The following HEXIM2 variants were observed in gnomAD, a reference collection of about 807,000 sequenced individuals.
The protein encoded by HEXIM2 is HEXIM P-TEFb complex subunit 2.
For missense variants in HEXIM2, 413 were observed against 390.8 expected (o/e 1.06, Z -0.48); for synonymous variants, 159 against 162.7 (o/e 0.98, Z 0.17).
intron 3 of HEXIM2, among the ~76,000 whole-genome samples, chr17:45,167,024 CAAAAAA>C (rs58258565): frequency 1.5e-5 from 1 of 67,928 alleles, no homozygotes; most frequent in African/African-American, 7.6e-5. Context: ...GACTCTGTCT[CAAAAAA>C]AAAAAAAAAA....
chr17:45,163,859 CAAAAA>C (rs951951321), intron 3 of HEXIM2, among the ~76,000 whole-genome samples: 5 of 151,656 alleles, frequency 3.3e-5, no homozygotes, highest in African/African-American at 1.2e-4. Context: ...AAAAAAGAAA[CAAAAA>C]CAAAAACAGG....
At chr17:45,161,074 CTCCA>C, upstream of HEXIM2, 1 of 671,258 alleles carries the variant, frequency 1.5e-6, no homozygotes, top group Non-Finnish European at 2.3e-6. Flanking sequence ...GCCCCCACCT[CTCCA>C]GTCGAAGTGG....
Position 45,169,754 on chromosome 17 carries a change from A to G in HEXIM2, c.806A>G (p.Glu269Gly). ...ACCGAAAACCAGCGGCTTCGTCAGG[A>G]GAACCAGATGTGGAACCGAGAGGGC... ...LRTENQRLRQ[E>G]NQMWNREGCR... The change falls in exon 4 of 4, where the codon GAG (glutamate) becomes GGG (glycine). Residue 269 changes from glutamate to glycine, a missense_variant. By Grantham distance (98) the Glu-to-Gly change is moderately conservative. Transcript: ENST00000589230. The G allele has an allele frequency of 6.8e-7, 1 of 1,474,830 alleles. No homozygotes were observed. Among genetic ancestry groups the G allele is most frequent in the African/African-American group, 1.4e-5 (1 of 70,596 alleles). 91.4% of individuals were successfully genotyped at this position (1,474,830 alleles called of 1,614,324 possible).
chr17:45,160,484 A>G (rs2042656648), upstream of HEXIM2, among the ~76,000 whole-genome samples: 2 of 152,146 alleles, frequency 1.3e-5, no homozygotes, highest in African/African-American at 2.4e-5. Flanking sequence ...GAATTACTGT[A>G]GTTCGTTTTT....
At chr17:45,168,955 A>G in intron 3 of HEXIM2, 60 bp from the exon 4 acceptor site, 1 of 1,475,962 alleles carries the variant, frequency 6.8e-7, no homozygotes, top group Non-Finnish European at 9.2e-7. Context: ...AGAGAGGGAA[A>G]GGTTCCACCT....
upstream of HEXIM2, chr17:45,160,641 C>T (rs1009732867): frequency 9.8e-6 from 3 of 304,600 alleles, no homozygotes; most frequent in African/African-American, 6.5e-5. Flanking sequence ...TGTGCCCCAA[C>T]CCTGTAAAGG....
chr17:45,167,299 C>G (rs1319259998), intron 3 of HEXIM2, among the ~76,000 whole-genome samples: 1 of 151,872 alleles, frequency 6.6e-6, no homozygotes, highest in Non-Finnish European at 1.5e-5. Flanking sequence ...GCACTCCAGC[C>G]TGGGCAACAG....
rs77676968 is a variant in HEXIM2 at position 45,168,653 on chromosome 17, G to C, written c.67-362G>C. 1.9e-3 allele frequency: 372 copies of C among 192,054 alleles called. 2 individuals are homozygous for C. The highest frequency in any genetic ancestry group is 8.5e-3 in the African/African-American group (362 of 42,742). 11.9% of individuals were successfully genotyped at this position (192,054 alleles called of 1,614,324 possible). On this transcript the variant is annotated intron_variant, in intron 3 of 3. Transcript: ENST00000589230. The stretch of plus-strand genomic sequence containing the variant: ...AAGAGCCGGTGCCATTTGGGCTTCT[G>C]ATCAAGCAAATGCATCAAGATCCAC...
At position 45,162,859 on chromosome 17, in the gene HEXIM2, G is replaced by C. The variant is rs1567926576; in HGVS notation, c.66G>C (p.Lys22Asn). The C allele has an allele frequency of 6.2e-7, 1 of 1,606,440 alleles. No individual in the cohort carries two copies. Among genetic ancestry groups the C allele is most frequent in the Non-Finnish European group, 8.5e-7 (1 of 1,173,828 alleles). ...AESPVALEEA[K>N]TSGAPGSPQT... ...CACCAGTGGCCCTGGAGGAGGCCAA[G>C]GTAAGTCCCTGCCCTCCTGCCCACC... is the stretch of plus-strand genomic sequence containing the variant. The change falls in exon 3 of 4, where the codon AAG (lysine) becomes AAC (asparagine). Residue 22 changes from lysine (K) to asparagine (N), a missense_variant and splice_region_variant. Coordinates refer to ENST00000589230, the MANE Select transcript of HEXIM2 (RefSeq NM_001303441.2).
chr17:45,164,770 G>A (rs1044319946), intron 3 of HEXIM2, among the ~76,000 whole-genome samples: 1 of 152,198 alleles, frequency 6.6e-6, no homozygotes, highest in African/African-American at 2.4e-5. Context: ...TTCGGCCCAT[G>A]TTCTCTCAGT....
chr17:45,161,994 C>T lies in HEXIM2; in HGVS notation c.-230C>T, dbSNP rs2042710165. 1.0e-6 allele frequency: 1 copy of T among 985,530 alleles called. No homozygotes were observed. The highest frequency in any genetic ancestry group is 1.7e-5 in the African/African-American group (1 of 57,252). The allele number at this position is 985,530 out of a possible 1,614,324, so 61.0% of individuals were successfully genotyped here. A position where few individuals can be genotyped will look rare whatever the true frequency, so the allele number is the denominator to read the frequency against. ...ACAGGCAGTCGCACAGAAAGGCACA[C>T]AGATGTAGTGGTGTGCATAGCCCTT... On this transcript the variant is annotated 5_prime_UTR_variant, in exon 1 of 4. Coordinates refer to ENST00000589230, the MANE Select transcript of HEXIM2 (RefSeq NM_001303441.2).
upstream of HEXIM2, chr17:45,160,797 A>G (rs2042662939): frequency 1.5e-6 from 1 of 646,230 alleles, no homozygotes; most frequent in Non-Finnish European, 2.5e-6. Flanking sequence ...CAAGAGCCTC[A>G]GAGACCTTCA....
chr17:45,169,674 C>A lies in HEXIM2; in HGVS notation c.726C>A (p.Gly242=). ...RRLQQLQACT[G]QQSCRQVEEL... ...TGCAGCAGCTGCAGGCGTGCACCGG[C>A]CAGCAGTCCTGCCGCCAGGTGGAGG... The change falls in exon 4 of 4, where the codon GGC becomes GGA. Residue 242 remains glycine, a synonymous_variant. Coordinates refer to ENST00000589230, the MANE Select transcript of HEXIM2 (RefSeq NM_001303441.2). 1 of 1,532,664 alleles carries A rather than the reference C, an allele frequency of 6.5e-7. No individual in the cohort carries two copies. Among genetic ancestry groups the A allele is most frequent in the East Asian group, 2.5e-5 (1 of 40,580 alleles). 94.9% of individuals were successfully genotyped at this position (1,532,664 alleles called of 1,614,324 possible). A position where few individuals can be genotyped will look rare whatever the true frequency, so the allele number is the denominator to read the frequency against.
intron 3 of HEXIM2, among the ~76,000 whole-genome samples, chr17:45,164,218 G>A (rs544053915): frequency 6.6e-6 from 1 of 152,050 alleles, no homozygotes; most frequent in Non-Finnish European, 1.5e-5. Flanking sequence ...CACTTTGGGA[G>A]GCCGAGGTGG....
At chr17:45,160,737 T>C (rs1223760084), upstream of HEXIM2, 4 of 410,804 alleles carry the variant, frequency 9.7e-6, no homozygotes, top group East Asian at 2.9e-4. Context: ...GGCGACATGC[T>C]AGGTCAGGTT....
chr17:45,163,325 CAAAAA>C (rs11423159), intron 3 of HEXIM2, among the ~76,000 whole-genome samples: 1 of 78,798 alleles, frequency 1.3e-5, no homozygotes, highest in Non-Finnish European at 2.4e-5. Context: ...GACTCCGTCT[CAAAAA>C]AAAAAAAAAA....
chr17:45,168,844 G>T, intron 3 of HEXIM2, 171 bp from the exon 4 acceptor site: 1 of 694,266 alleles, frequency 1.4e-6, no homozygotes, highest in Non-Finnish European at 2.5e-6. Context: ...TTGGGGGACA[G>T]ACAGTAGACA....
At position 45,169,031 on chromosome 17, in the gene HEXIM2, G is replaced by T. The variant is rs756855212; in HGVS notation, c.83G>T (p.Gly28Val). 6.2e-7 allele frequency: 1 copy of T among 1,611,146 alleles called. No homozygotes were observed. Among genetic ancestry groups the T allele is most frequent in the East Asian group, 2.2e-5 (1 of 44,836 alleles). ...LEEAKTSGAP[G>V]SPQTPPERHD... ...TCTCTTTAGACCTCTGGTGCCCCGGGGAGCCCCCAAACACCCCCTGAGCGT... is the reference window on the plus strand; with the variant it reads ...TCTCTTTAGACCTCTGGTGCCCCGGTGAGCCCCCAAACACCCCCTGAGCGT... The change falls in exon 4 of 4, where the codon GGG becomes GTG. Residue 28 changes from glycine to valine, a missense_variant. Coordinates refer to ENST00000589230, the MANE Select transcript of HEXIM2 (RefSeq NM_001303441.2).
intron 3 of HEXIM2, among the ~76,000 whole-genome samples, chr17:45,166,835 C>A (rs1041846599): frequency 1.3e-5 from 2 of 151,790 alleles, no homozygotes; most frequent in Admixed American, 1.3e-4. Context: ...ACCAGCCTGG[C>A]CAACATGGTG....
Sources: gnomAD v4.1 joint callset for allele counts (sites outside exome capture counted in the v4.1 genomes callset) on GRCh38, gnomAD v4.1.1 for gene constraint, MANE v1.5 for transcripts, NCBI Gene and HGNC (gene_info 2026-07-23, HGNC 2026-07-21) for gene names.